The following CFAP74 variants were observed in gnomAD, a reference collection of about 807,000 sequenced individuals.
CFAP74 encodes the protein cilia- and flagella-associated protein 74.
CFAP74 carries 124 observed loss-of-function variants against 188.9 expected under a neutral mutation model. The observed-to-expected ratio is 0.66, with a 90% CI of 0.57 to 0.76. The LOEUF is 0.76. CFAP74 is among the 30% of genes least tolerant of loss of function. The pLI, the probability that CFAP74 is intolerant of heterozygous loss-of-function variation, is 0.00. For synonymous variants in CFAP74, 956 were observed against 916.7 expected (o/e 1.04, Z -0.77); for missense variants, 2,198 against 2,165.2 (o/e 1.02, Z -0.30).
rs201784368 is a variant in CFAP74, at chr1:1,970,767, G to A, written c.938C>T (p.Ala313Val). Residue 313 changes from alanine to valine, a missense_variant, in exon 10 of 39, where the codon GCG (alanine) becomes GTG (valine). By Grantham distance (64) the Ala-to-Val change is moderately conservative. Coordinates refer to ENST00000682832, the MANE Select transcript of CFAP74 (RefSeq NM_001304360.2). ...CTTCTCAGCCTGGACCCTCTGCTCC[G>A]CCAGCTCTGCCTTGGCACGGTCCCA... Reference protein sequence around the residue: ...QAWDRAKAELAEQRVQAEKKA... With the variant: ...QAWDRAKAELVEQRVQAEKKA... The A allele has an allele frequency of 2.8e-4, 446 of 1,614,112 alleles. 1 individual carries two copies. Among genetic ancestry groups the A allele is most frequent in the African/African-American group, 2.3e-3 (176 of 75,040 alleles).
intron 18 of CFAP74, among the ~76,000 whole-genome samples, chr1:1,948,061 C>T (rs1041700854): frequency 3.0e-4 from 46 of 152,026 alleles, no homozygotes; most frequent in East Asian, 5.8e-4. Flanking sequence ...TTAGTAGAGA[C>T]GGGGTTTCAC....
Position 1,922,653 on chromosome 1 carries a change from C to A in CFAP74, c.4754G>T (p.Gly1585Val). ...HKGFSIEPSR[G>V]SVERGQTKTI... ...CTTCGTCTGGCCGCGCTCCACGGAG[C>A]CCCTGGAGGGCTCAATAGAGAAACC... Residue 1585 changes from glycine (G) to valine (V), a missense_variant, in exon 38 of 39, where the codon GGC becomes GTC. Physicochemically the swap from Gly to Val is moderately radical, Grantham distance 109 (BLOSUM62 -3). Coordinates refer to ENST00000682832, the MANE Select transcript of CFAP74 (RefSeq NM_001304360.2). 6.2e-7 allele frequency: 1 copy of A among 1,602,934 alleles called. No individual in the cohort carries two copies. The highest frequency in any genetic ancestry group is 1.1e-5 in the South Asian group (1 of 90,170).
In CFAP74 at chr1:1,923,648, A is replaced by C. The variant is rs146084753; in HGVS notation, c.4389+127T>G. The C allele has an allele frequency of 1.3e-6, 2 of 1,531,400 alleles. No individual in the cohort carries two copies. The highest frequency in any genetic ancestry group is 1.8e-6 in the Non-Finnish European group (2 of 1,122,604). 94.9% of individuals were successfully genotyped at this position (1,531,400 alleles called of 1,614,324 possible). On this transcript the variant is annotated intron_variant, in intron 35 of 38. Coordinates refer to ENST00000682832, the MANE Select transcript of CFAP74 (RefSeq NM_001304360.2). The surrounding 1 kb of genome is among the most constrained non-coding windows in gnomAD (Gnocchi z 6.3). ...TCTGGTCTTTCCACTGACGGCCCTC[A>C]GTGTGGTGCTGAGTCCCCCAGCCAT...
At chr1:1,990,762 G>T in intron 2 of CFAP74, 128 bp downstream of exon 2, 1 of 620,928 alleles carries the variant, frequency 1.6e-6, no homozygotes, top group Non-Finnish European at 2.7e-6. Flanking sequence ...CTCCCTCTTT[G>T]AGAGAAAAAT....
At position 1,926,753 on chromosome 1, in the gene CFAP74, T is replaced by C; in HGVS notation, c.3671A>G (p.Asn1224Ser). ...GCACCACAGCTCCAGGTACAGGGTG[T>C]TGTGGGGGCTGGGATAGGAAGGGCA... ...GSEPLSFSPH[N>S]TLYLELWCPT... Residue 1224 changes from asparagine to serine, a missense_variant, in exon 30 of 39, where the codon AAC (asparagine) becomes AGC (serine). Transcript: ENST00000682832. 1.9e-6 allele frequency: 3 copies of C among 1,549,746 alleles called. No homozygotes were observed. Among genetic ancestry groups the C allele is most frequent in the Non-Finnish European group, 2.6e-6 (3 of 1,146,664 alleles).
In CFAP74 at chr1:1,946,360, T is replaced by G; in HGVS notation, c.2321A>C (p.Gln774Pro). The G allele has an allele frequency of 6.5e-7, 1 of 1,536,892 alleles. No individual in the cohort carries two copies. Among genetic ancestry groups the G allele is most frequent in the South Asian group, 1.2e-5 (1 of 84,058 alleles). Residue 774 changes from glutamine to proline, a missense_variant, in exon 20 of 39, where the codon CAA (glutamine) becomes CCA (proline). Gln to Pro is a moderately conservative substitution (Grantham distance 76). Coordinates refer to ENST00000682832, the MANE Select transcript of CFAP74 (RefSeq NM_001304360.2). Reference protein sequence around the residue: ...VFTPVVPGDVQARFKVTFKNP... With the variant: ...VFTPVVPGDVPARFKVTFKNP... The stretch of plus-strand genomic sequence containing the variant: ...CTTAAACGTGACTTTGAACCTGGCT[T>G]GGACGTCGCCTGGGACGACCGGAGT...
intron 17 of CFAP74, 127 bp from the exon 18 acceptor site, chr1:1,955,977 C>T: frequency 7.0e-7 from 1 of 1,438,572 alleles, no homozygotes; most frequent in Non-Finnish European, 9.1e-7. Flanking sequence ...GGCCCCTCAG[C>T]TGCCTCCTCG....
At position 1,922,360 on chromosome 1, in the gene CFAP74, A is replaced by G; in HGVS notation, c.4847T>C (p.Leu1616Pro). 1 of 1,601,106 alleles carries G rather than the reference A, an allele frequency of 6.2e-7. No individual in the cohort carries two copies. The highest frequency in any genetic ancestry group is 1.1e-5 in the South Asian group (1 of 89,178). Reference protein sequence around the residue: ...DPDHPLMVSALLQLRGDVKET... With the variant: ...DPDHPLMVSAPLQLRGDVKET... ...CTTCACATCCCCCCTTAGCTGCAGC[A>G]GGGCCGACACCATGAGTGGGTGGTC... Residue 1616 changes from leucine (L) to proline (P), a missense_variant, in exon 39 of 39, where the codon CTG becomes CCG. Transcript: ENST00000682832.
chr1:1,961,119 G>C (rs568949904), intron 14 of CFAP74, among the ~76,000 whole-genome samples: 202 of 152,300 alleles, frequency 1.3e-3, no homozygotes, highest in Admixed American at 2.8e-3. Context: ...GAACCGAGCA[G>C]CACCTAGAGC....
intron 25 of CFAP74, among the ~76,000 whole-genome samples, 159 bp downstream of exon 25, chr1:1,938,696 G>C (rs538398407): frequency 6.6e-6 from 1 of 152,354 alleles, no homozygotes; most frequent in South Asian, 2.1e-4. Flanking sequence ...TCTGCACCCA[G>C]GTTTGAGGTT....
intron 4 of CFAP74, 86 bp from the exon 5 acceptor site, chr1:1,987,121 G>A: frequency 1.7e-6 from 2 of 1,146,916 alleles, no homozygotes; most frequent in Non-Finnish European, 2.5e-6. Context: ...GGGGCCAGGT[G>A]AGGCAGAGCC....
chr1:1,940,361 C>A lies in CFAP74; in HGVS notation c.2658G>T (p.Glu886Asp). Residue 886 changes from glutamate to aspartate, a missense_variant, in exon 23 of 39, where the codon GAG (glutamate) becomes GAT (aspartate). By Grantham distance (45) the Glu-to-Asp change is conservative (BLOSUM62 2). Transcript: ENST00000682832. ...TCATCGGGGCCTCCAGGACTCGGGT[C>A]TCCTTGTCAAAATACCTCCCTGCGT... is the stretch of plus-strand genomic sequence containing the variant. ...PEDAGRYFDK[E>D]TRVLEAPMTI... The A allele has an allele frequency of 6.5e-7, 1 of 1,535,606 alleles. No individual in the cohort carries two copies. The highest frequency in any genetic ancestry group is 8.7e-7 in the Non-Finnish European group (1 of 1,146,634).
chr1:1,974,007 G>T lies in CFAP74; in HGVS notation c.674+18C>A, dbSNP rs1225491251. On this transcript the variant is annotated intron_variant, in intron 7 of 38. Transcript: ENST00000682832. ...AAGCTGCTGGGAAGGGATGGAGGTG[G>T]GCCTGGGTGTCGCCTACCTGATCCT... 3 of 1,534,396 alleles carry T rather than the reference G, an allele frequency of 2.0e-6. No individual in the cohort carries two copies. The highest frequency in any genetic ancestry group is 2.7e-5 in the African/African-American group (2 of 72,772).
At position 1,938,969 on chromosome 1, in the gene CFAP74, T is replaced by C. The variant is rs1036858813; in HGVS notation, c.2897A>G (p.Asn966Ser). The change falls in exon 25 of 39, where the codon AAC becomes AGC. Residue 966 changes from asparagine to serine, a missense_variant. Physicochemically the swap from Asn to Ser is conservative, Grantham distance 46. Transcript: ENST00000682832. ...RLPKFVDVQP[N>S]DGFGTILPLE... ...GGGCAGGATCGTCCCAAACCCATCGTTGGGTTGGACGTCCACAAACTGGAA... is the reference window on the plus strand; with the variant it reads ...GGGCAGGATCGTCCCAAACCCATCGCTGGGTTGGACGTCCACAAACTGGAA... 26 of 1,535,878 alleles carry C rather than the reference T, an allele frequency of 1.7e-5. No homozygotes were observed. Among genetic ancestry groups the C allele is most frequent in the Non-Finnish European group, 2.2e-5 (25 of 1,146,828 alleles).
At position 1,968,733 on chromosome 1, in the gene CFAP74, TG is replaced by T. The variant is rs771497538; in HGVS notation, c.1146del (p.Thr383ProfsTer7). The T allele has an allele frequency of 2.5e-6, 4 of 1,613,986 alleles. No individual in the cohort carries two copies. The highest frequency in any genetic ancestry group is 2.5e-6 in the Non-Finnish European group (3 of 1,179,924). ...EEEKRKKQHPPTSARHRLTLR... is the reference protein window; with the variant it reads ...EEEKRKKQHPXTSARHRLTLR... Reference sequence around the variant, plus strand: ...AGGGTCAGCCGGTGCCTGGCACTGGTGGGGGGATGCTGTTTCTTCCTCTTTT... The same window carrying T: ...AGGGTCAGCCGGTGCCTGGCACTGGTGGGGGATGCTGTTTCTTCCTCTTTT... On this transcript the variant is annotated frameshift_variant, in exon 11 of 39. Transcript: ENST00000682832. LOFTEE classifies it high-confidence loss of function. The surrounding 1 kb of genome is among the most constrained non-coding windows in gnomAD (Gnocchi z 4.3).
intron 13 of CFAP74, 31 bp downstream of exon 13, chr1:1,964,857 C>G: frequency 1.2e-6 from 2 of 1,612,372 alleles, no homozygotes. Context: ...TGCTGCTGCC[C>G]GTCCCGTTCC....
At chr1:1,928,419 C>T (rs898046857) in intron 27 of CFAP74, among the ~76,000 whole-genome samples, 7 of 152,206 alleles carry the variant, frequency 4.6e-5, no homozygotes, top group African/African-American at 1.2e-4. Context: ...CCTCCAGGGC[C>T]GGCACTTGTG....
chr1:2,001,481 C>T (rs1658206793), intron 1 of CFAP74, among the ~76,000 whole-genome samples: 1 of 152,086 alleles, frequency 6.6e-6, no homozygotes, highest in African/African-American at 2.4e-5. Context: ...AGGCAACCGC[C>T]ACCACACCTG....
At chr1:1,987,985 T>C in intron 4 of CFAP74, 1 of 382,318 alleles carries the variant, frequency 2.6e-6, no homozygotes, top group Non-Finnish European at 5.2e-6. Flanking sequence ...TTTTTATTTT[T>C]AGAGACAGGG....
Sources: gnomAD v4.1 joint callset for allele counts (sites outside exome capture counted in the v4.1 genomes callset) on GRCh38, gnomAD v4.1.1 for gene constraint, Gnocchi (gnomAD v3.1) non-coding constraint, MANE v1.5 for transcripts, NCBI Gene and HGNC (gene_info 2026-07-23, HGNC 2026-07-21) for gene names.